Variants in CACNA2D1 observed in about 807,000 individuals in gnomAD.
The protein encoded by CACNA2D1 is voltage-dependent calcium channel subunit alpha-2/delta-1.
CACNA2D1 carries 53 observed loss-of-function variants against 171.5 expected under a neutral mutation model. The ratio of observed to expected loss-of-function variants is 0.31; its 90% CI spans 0.25 to 0.39. CACNA2D1 has a LOEUF of 0.39. Among genes scored for constraint, CACNA2D1 ranks in the 10% least tolerant of loss-of-function variants. The probability of loss-of-function intolerance (pLI) is 1.00; values close to 1 mark genes in which losing one functional copy is unlikely to be tolerated. For synonymous variants in CACNA2D1, 442 were observed against 443.1 expected (o/e 1.00, Z 0.03); for missense variants, 903 against 1,299.8 (o/e 0.69, Z 4.69).
At chr7:82,137,753 G>T (rs1458518421) in intron 4 of CACNA2D1, among the ~76,000 whole-genome samples, 1 of 146,698 alleles carries the variant, frequency 6.8e-6, no homozygotes, top group South Asian at 2.1e-4. Context: ...GGTGGCGGGT[G>T]CCTGTAGTCC....
intron 4 of CACNA2D1, 83 bp downstream of exon 4, chr7:82,170,467 T>A (rs1347206750): frequency 1.0e-6 from 1 of 985,878 alleles, no homozygotes; most frequent in Non-Finnish European, 1.6e-6. Flanking sequence ...ATTCCATCAT[T>A]AAAATATATT....
chr7:82,177,710 C>T (rs1280443044), intron 3 of CACNA2D1, among the ~76,000 whole-genome samples: 2 of 152,156 alleles, frequency 1.3e-5, no homozygotes, highest in East Asian at 3.9e-4. Context: ...TTCACTCCAT[C>T]AAGAGACCAT....
intron 1 of CACNA2D1, among the ~76,000 whole-genome samples, chr7:82,410,293 T>C (rs1197682610): frequency 1.3e-5 from 2 of 152,222 alleles, no homozygotes; most frequent in African/African-American, 4.8e-5. Context: ...ACTTTTACAA[T>C]ATCTGCTTAG....
chr7:82,390,428 T>G (rs1490912509), intron 1 of CACNA2D1, among the ~76,000 whole-genome samples: 2 of 152,216 alleles, frequency 1.3e-5, no homozygotes, highest in East Asian at 3.8e-4. Flanking sequence ...GTATTCTCCC[T>G]GCTCTCAGGT....
chr7:82,037,494 C>T (rs1046133006), intron 11 of CACNA2D1, among the ~76,000 whole-genome samples: 2 of 151,010 alleles, frequency 1.3e-5, no homozygotes, highest in African/African-American at 4.9e-5. Flanking sequence ...AAAAAAAAGA[C>T]ACATGCTATA....
chr7:82,262,338 A>C (rs763257610), intron 3 of CACNA2D1, among the ~76,000 whole-genome samples: 1 of 152,246 alleles, frequency 6.6e-6, no homozygotes, highest in Non-Finnish European at 1.5e-5. Context: ...CTCAAAAATC[A>C]ATCCATCCAT....
intron 3 of CACNA2D1, among the ~76,000 whole-genome samples, chr7:82,189,760 T>C (rs972588678): frequency 6.6e-6 from 1 of 151,652 alleles, no homozygotes; most frequent in Non-Finnish European, 1.5e-5. Context: ...ACAAAAAAAT[T>C]TGTGTAAGAA....
chr7:82,111,831 AT>A lies in CACNA2D1; in HGVS notation c.526+5212del, dbSNP rs1163932514. Among the ~76,000 whole-genome samples, 2 of 152,152 alleles carry A rather than the reference AT, an allele frequency of 1.3e-5. 1 individual carries two copies. The highest frequency in any genetic ancestry group is 2.9e-5 in the Non-Finnish European group (2 of 68,026). On this transcript the variant is annotated intron_variant, in intron 6 of 38. Coordinates refer to ENST00000356860, the MANE Select transcript of CACNA2D1 (RefSeq NM_000722.4). ...TAGATATTTTTCTTAACACATATAA[AT>A]ATAATCCATATTATTTTGTTATTGA...
intron 1 of CACNA2D1, among the ~76,000 whole-genome samples, chr7:82,382,640 C>T (rs1823839180): frequency 6.6e-6 from 1 of 152,144 alleles, no homozygotes; most frequent in East Asian, 1.9e-4. Flanking sequence ...CAGAGAATGA[C>T]CTTTTATTTG....
At chr7:82,249,326 G>A (rs963019835) in intron 3 of CACNA2D1, among the ~76,000 whole-genome samples, 1 of 151,990 alleles carries the variant, frequency 6.6e-6, no homozygotes, top group East Asian at 1.9e-4. Context: ...AAGGATTCTG[G>A]GTACATGGAC....
chr7:82,226,481 T>G (rs2129266859), intron 3 of CACNA2D1, among the ~76,000 whole-genome samples: 1 of 152,288 alleles, frequency 6.6e-6, no homozygotes, highest in South Asian at 2.1e-4. Flanking sequence ...CTGATTTAAC[T>G]TTGTAGACAG....
At chr7:82,043,966 TA>T (rs1442159030) in intron 10 of CACNA2D1, among the ~76,000 whole-genome samples, 1 of 152,226 alleles carries the variant, frequency 6.6e-6, no homozygotes, top group African/African-American at 2.4e-5. Flanking sequence ...AAGACATTCT[TA>T]AGGTCACATA....
At chr7:82,213,534 T>G (rs1408633992) in intron 3 of CACNA2D1, among the ~76,000 whole-genome samples, 1 of 152,166 alleles carries the variant, frequency 6.6e-6, no homozygotes, top group African/African-American at 2.4e-5. Context: ...GCAAGCTCAC[T>G]AAAAGCCAAA....
intron 1 of CACNA2D1, among the ~76,000 whole-genome samples, chr7:82,370,350 A>G (rs1822246580): frequency 6.6e-6 from 1 of 151,898 alleles, no homozygotes. Flanking sequence ...AAATCAATAT[A>G]AGAACTGTAA....
intron 3 of CACNA2D1, among the ~76,000 whole-genome samples, chr7:82,221,228 G>A (rs1019193760): frequency 2.6e-5 from 4 of 152,226 alleles, no homozygotes; most frequent in South Asian, 2.1e-4. Context: ...GTACTCTGCC[G>A]ATCCACTGAA....
chr7:82,079,615 C>A (rs1181552818), intron 7 of CACNA2D1, among the ~76,000 whole-genome samples: 1 of 151,496 alleles, frequency 6.6e-6, no homozygotes, highest in Non-Finnish European at 1.5e-5. Context: ...TCGCTCGAAC[C>A]CAGGGGGCAG....
chr7:82,440,711 G>A (rs950727960), intron 1 of CACNA2D1, among the ~76,000 whole-genome samples: 1 of 151,826 alleles, frequency 6.6e-6, no homozygotes, highest in Admixed American at 6.6e-5. Context: ...ATATTAGAAT[G>A]TATGTTAAAC....
intron 3 of CACNA2D1, among the ~76,000 whole-genome samples, chr7:82,174,209 G>A (rs573804309): frequency 6.6e-6 from 1 of 151,326 alleles, no homozygotes; most frequent in South Asian, 2.1e-4. Flanking sequence ...TCTGATTTAT[G>A]GCACAGCATA....
intron 1 of CACNA2D1, among the ~76,000 whole-genome samples, chr7:82,406,342 A>G (rs1235684282): frequency 2.0e-5 from 3 of 152,176 alleles, no homozygotes; most frequent in African/African-American, 7.2e-5. Context: ...GAATAGTGCC[A>G]CAATAAACAT....
Sources: gnomAD v4.1 joint callset for allele counts (sites outside exome capture counted in the v4.1 genomes callset) on GRCh38, gnomAD v4.1.1 for gene constraint, MANE v1.5 for transcripts, NCBI Gene and HGNC (gene_info 2026-07-23, HGNC 2026-07-21) for gene names.